GRWD1: variants seen among roughly 807,000 people sequenced by gnomAD.
GRWD1 encodes the protein glutamate-rich WD repeat-containing protein 1.
Under a neutral mutation model 45.3 loss-of-function variants are expected in GRWD1, and 29 were observed. The observed-to-expected ratio is 0.64, with a 90% CI of 0.48 to 0.87. GRWD1 has a LOEUF of 0.87. GRWD1 is among the 40% of genes least tolerant of loss of function. The pLI is 0.00. For synonymous variants in GRWD1, 262 were observed against 257.6 expected, an observed-to-expected ratio of 1.02 and a Z score of -0.16; for missense variants, 592 against 618.8, an observed-to-expected ratio of 0.96 and a Z score of 0.46.
At position 48,446,147 on chromosome 19, in the gene GRWD1, G is replaced by C. The variant is rs772590614; in HGVS notation, c.142G>C (p.Val48Leu). 1 of 1,607,946 alleles carries C rather than the reference G, an allele frequency of 6.2e-7. No individual in the cohort carries two copies. The highest frequency in any genetic ancestry group is 8.5e-7 in the Non-Finnish European group (1 of 1,178,412). Residue 48 changes from valine (V) to leucine (L), a missense_variant, in exon 1 of 7, where the codon GTC becomes CTC. Coordinates refer to ENST00000253237, the MANE Select transcript of GRWD1 (RefSeq NM_031485.4). Reference sequence around the variant, plus strand: ...GCCGCTACGCGAAGGGGAGGAGCTGGTCATGGACGAGGAGGCCTATGTGCT... The same window carrying C: ...GCCGCTACGCGAAGGGGAGGAGCTGCTCATGGACGAGGAGGCCTATGTGCT... Reference protein sequence around the residue: ...GPPLREGEELVMDEEAYVLYH... With the variant: ...GPPLREGEELLMDEEAYVLYH...
At chr19:48,446,253 A>G (rs919857084) in intron 1 of GRWD1, 61 bp downstream of exon 1, 36 of 1,572,628 alleles carry the variant, frequency 2.3e-5, no homozygotes, top group Non-Finnish European at 2.9e-5. Flanking sequence ...TTAACCTGAG[A>G]GGTGCTCGGG....
At chr19:48,446,589 C>G (rs1170415077) in intron 2 of GRWD1, 87 bp downstream of exon 2, 3 of 1,561,966 alleles carry the variant, frequency 1.9e-6, no homozygotes, top group Non-Finnish European at 2.6e-6. Context: ...CAGTTTCTGC[C>G]TCTCGCAGAT....
At position 48,452,755 on chromosome 19, in the gene GRWD1, C is replaced by T. The variant is rs1209335272; in HGVS notation, c.1071C>T (p.Thr357=). Residue 357 remains threonine, a synonymous_variant, in exon 7 of 7, where the codon ACC becomes ACT. Transcript: ENST00000253237. The surrounding 1 kb of genome is among the most constrained non-coding windows in gnomAD (Gnocchi z 5.1). ...TCAAGCAGCACGTGGCCCCCGTGAC[C>T]TCCGTCGAGTGGCACCCCCAGGACA... ...ATFKQHVAPV[T]SVEWHPQDSG... is the part of the protein sequence containing the mutation. The T allele has an allele frequency of 6.2e-7, 1 of 1,600,914 alleles. No homozygotes were observed. Among genetic ancestry groups the T allele is most frequent in the Non-Finnish European group, 8.5e-7 (1 of 1,170,152 alleles).
chr19:48,447,449 A>G (rs1971423089), intron 3 of GRWD1, among the ~76,000 whole-genome samples: 1 of 151,078 alleles, frequency 6.6e-6, no homozygotes, highest in African/African-American at 2.4e-5. Context: ...CACAATGTTG[A>G]TCAGGCTGGT....
rs1048320438 is a variant in GRWD1 at position 48,452,077 on chromosome 19, C to T, written c.1024-631C>T. Reference sequence around the variant, plus strand: ...TGGGAGAGCTCTGGGAGAGCCATGCCCTCCTTTTTTTCTTTTTTTTTTTTT... The same window carrying T: ...TGGGAGAGCTCTGGGAGAGCCATGCTCTCCTTTTTTTCTTTTTTTTTTTTT... On this transcript the variant is annotated intron_variant, in intron 6 of 6. Coordinates refer to ENST00000253237, the MANE Select transcript of GRWD1 (RefSeq NM_031485.4). The surrounding 1 kb of genome is among the most constrained non-coding windows in gnomAD (Gnocchi z 5.1). 5.5e-5 allele frequency among the ~76,000 whole-genome samples: 8 copies of T among 145,864 alleles called. No homozygotes were observed. Among genetic ancestry groups the T allele is most frequent in the African/African-American group, 2.0e-4 (8 of 39,460 alleles).
Position 48,446,891 on chromosome 19 carries a change from G to C in GRWD1, c.468+48G>C, listed in dbSNP as rs1433684528. ...GCTCTGCATACTCTGAAACACATCT[G>C]ACCCATCCCCTGTGTCCATAACTCC... On this transcript the variant is annotated intron_variant, in intron 3 of 6. Coordinates refer to ENST00000253237, the MANE Select transcript of GRWD1 (RefSeq NM_031485.4). The C allele has an allele frequency of 2.0e-6, 3 of 1,520,860 alleles. No individual in the cohort carries two copies. In the Admixed American group the frequency reaches 5.9e-5, roughly 30 times the overall value. The allele number at this position is 1,520,860 out of a possible 1,614,324, so 94.2% of individuals were successfully genotyped here. A position where few individuals can be genotyped will look rare whatever the true frequency, so the allele number is the denominator to read the frequency against.
At chr19:48,448,522 G>C (rs77141986) in intron 3 of GRWD1, among the ~76,000 whole-genome samples, 4,881 of 152,306 alleles carry the variant, frequency 0.032, 285 homozygotes, top group African/African-American at 0.11. Flanking sequence ...GTCCAAAGGT[G>C]TTAACTATCC....
At position 48,450,981 on chromosome 19, in the gene GRWD1, G is replaced by T; in HGVS notation, c.826-53G>T. ...AGAGTAGCCCACCGCTGGCGCTTGGGCTTCACTGCGGGCTGGGGGGCATTG... is the reference window on the plus strand; with the variant it reads ...AGAGTAGCCCACCGCTGGCGCTTGGTCTTCACTGCGGGCTGGGGGGCATTG... On this transcript the variant is annotated intron_variant, in intron 5 of 6. Transcript: ENST00000253237. This position sits in a 1 kb window ranked among gnomAD's most constrained non-coding sequence, Gnocchi z 5.1. The T allele has an allele frequency of 2.5e-6, 4 of 1,571,778 alleles. No homozygotes were observed. The highest frequency in any genetic ancestry group is 3.5e-6 in the Non-Finnish European group (4 of 1,151,658).
chr19:48,456,733 T>C lies in GRWD1; in HGVS notation c.*3708T>C, dbSNP rs1039014222. ...CCACAGGGCCAAGCGTTTGGTAACG[T>C]TGCAGTGAACCCTGAAGGCAATGAG... On this transcript the variant is annotated 3_prime_UTR_variant, in exon 7 of 7. Coordinates refer to ENST00000253237, the MANE Select transcript of GRWD1 (RefSeq NM_031485.4). 6.6e-6 allele frequency: 1 copy of C among 152,262 alleles called. No individual in the cohort carries two copies. Among genetic ancestry groups the C allele is most frequent in the African/African-American group, 2.4e-5 (1 of 41,452 alleles). 9.4% of individuals were successfully genotyped at this position (152,262 alleles called of 1,614,324 possible). A position where few individuals can be genotyped will look rare whatever the true frequency, so the allele number is the denominator to read the frequency against.
chr19:48,451,216 C>T lies in GRWD1; in HGVS notation c.1008C>T (p.Asp336=), dbSNP rs1569079487. ...ATGATGGGGCCCTCAAGATCTGGGA[C>T]CTTCGGCAGTTCAAGGTATTTTCCC... ...GGDDGALKIW[D]LRQFKSGSPV... Residue 336 remains aspartate, a synonymous_variant, in exon 6 of 7, where the codon GAC becomes GAT. Transcript: ENST00000253237. 1 of 1,595,950 alleles carries T rather than the reference C, an allele frequency of 6.3e-7. No individual in the cohort carries two copies. Among genetic ancestry groups the T allele is most frequent in the Middle Eastern group, 1.7e-4 (1 of 5,976 alleles).
At chr19:48,446,243 T>G in intron 1 of GRWD1, 51 bp downstream of exon 1, 1 of 1,575,508 alleles carries the variant, frequency 6.3e-7, no homozygotes, top group Non-Finnish European at 8.6e-7. Flanking sequence ...TCCCGAGCCT[T>G]TAACCTGAGA....
In GRWD1 at chr19:48,450,435, C is replaced by T. The variant is rs773697541; in HGVS notation, c.591C>T (p.Leu197=). The change falls in exon 4 of 7, where the codon CTC becomes CTT. Residue 197 remains leucine (L), a synonymous_variant. Coordinates refer to ENST00000253237, the MANE Select transcript of GRWD1 (RefSeq NM_031485.4). The surrounding 1 kb of genome is among the most constrained non-coding windows in gnomAD (Gnocchi z 5.1). ...VEEPQALAAF[L]RDEQAQMKPI... Reference sequence around the variant, plus strand: ...AGCCCCAGGCCCTGGCAGCCTTCCTCCGGGATGAGCAGGCCCAAATGAAGC... The same window carrying T: ...AGCCCCAGGCCCTGGCAGCCTTCCTTCGGGATGAGCAGGCCCAAATGAAGC... 27 of 1,613,992 alleles carry T rather than the reference C, an allele frequency of 1.7e-5. No homozygotes were observed. The African/African-American group carries it at 3.2e-4, about 19-fold the overall frequency.
chr19:48,446,591 C>T (rs73588089), intron 2 of GRWD1, 89 bp downstream of exon 2: 2 of 1,560,522 alleles, frequency 1.3e-6, no homozygotes, highest in Non-Finnish European at 1.7e-6. Flanking sequence ...GTTTCTGCCT[C>T]TCGCAGATCC....
intron 3 of GRWD1, among the ~76,000 whole-genome samples, chr19:48,448,724 G>A (rs1394156813): frequency 6.6e-6 from 1 of 152,244 alleles, no homozygotes; most frequent in Non-Finnish European, 1.5e-5. Flanking sequence ...AGGCCCTGGG[G>A]TGAGCTTGGC....
chr19:48,450,806 A>G lies in GRWD1; in HGVS notation c.823A>G (p.Thr275Ala), dbSNP rs1358367482. Residue 275 changes from threonine to alanine, a missense_variant and splice_region_variant, in exon 5 of 7, where the codon ACG becomes GCG. Transcript: ENST00000253237. The surrounding 1 kb of genome is among the most constrained non-coding windows in gnomAD (Gnocchi z 5.1). ...CCTGCAGTGGTCACCGACTGAGAAC[A>G]CGGTGAGGGAGGGTGGGGTTCTGGT... ...EDLQWSPTEN[T>A]VFASCSADAS... 2 of 1,612,390 alleles carry G rather than the reference A, an allele frequency of 1.2e-6. No individual in the cohort carries two copies. The highest frequency in any genetic ancestry group is 1.7e-5 in the Admixed American group (1 of 59,836).
intron 3 of GRWD1, among the ~76,000 whole-genome samples, chr19:48,448,983 G>A (rs548206742): frequency 3.7e-4 from 57 of 152,286 alleles, no homozygotes; most frequent in Non-Finnish European, 5.6e-4. Context: ...ATTGCAGAGA[G>A]GTAAGGGTCG....
rs1286198504 is a variant in GRWD1 at position 48,456,594 on chromosome 19, T to C, written c.*3569T>C. 1 of 152,186 alleles carries C rather than the reference T, an allele frequency of 6.6e-6. No individual in the cohort carries two copies. The highest frequency in any genetic ancestry group is 1.5e-5 in the Non-Finnish European group (1 of 68,052). 9.4% of individuals were successfully genotyped at this position (152,186 alleles called of 1,614,324 possible). ...ATTGTCTCATGGTCTTCTTTCCAAA[T>C]GGAGTGTGCCAGGCCCTGCCAAGAA... On this transcript the variant is annotated 3_prime_UTR_variant, in exon 7 of 7. Coordinates refer to ENST00000253237, the MANE Select transcript of GRWD1 (RefSeq NM_031485.4).
At chr19:48,446,242 T>A in intron 1 of GRWD1, 50 bp downstream of exon 1, 1 of 1,575,182 alleles carries the variant, frequency 6.3e-7, no homozygotes, top group East Asian at 2.3e-5. Context: ...ATCCCGAGCC[T>A]TTAACCTGAG....
At position 48,451,988 on chromosome 19, in the gene GRWD1, C is replaced by T. The variant is rs78916212; in HGVS notation, c.1024-720C>T. 5.7e-3 allele frequency among the ~76,000 whole-genome samples: 862 copies of T among 152,232 alleles called. 14 individuals are homozygous for T. Among genetic ancestry groups the T allele is most frequent in the African/African-American group, 0.02 (823 of 41,514 alleles). On this transcript the variant is annotated intron_variant, in intron 6 of 6. Coordinates refer to ENST00000253237, the MANE Select transcript of GRWD1 (RefSeq NM_031485.4). ...TAGTGAAAGTGCTGTCATTCTTAGT[C>T]TTTCTTTGGGTCGGCTTCCGGGGAT...
Sources: gnomAD v4.1 joint callset for allele counts (sites outside exome capture counted in the v4.1 genomes callset) on GRCh38, gnomAD v4.1.1 for gene constraint, Gnocchi (gnomAD v3.1) non-coding constraint, MANE v1.5 for transcripts, NCBI Gene and HGNC (gene_info 2026-07-23, HGNC 2026-07-21) for gene names.